Variants in LMTK3 observed in about 807,000 individuals in gnomAD.
LMTK3 encodes the protein lemur tail kinase 3, also known as serine/threonine-protein kinase LMTK3.
In LMTK3, 27 loss-of-function variants were observed where a neutral mutation model predicts 116.7. The observed-to-expected ratio is 0.23, with a 90% confidence interval of 0.17 to 0.32. LMTK3 has a LOEUF of 0.32. Among genes scored for constraint, LMTK3 ranks in the 10% least tolerant of loss-of-function variants. LMTK3 has a pLI of 1.00. For missense variants in LMTK3, 1,764 were observed against 2,068.5 expected (o/e 0.85, Z 2.86); for synonymous variants, 965 against 971.0 (o/e 0.99, Z 0.11).
chr19:48,500,871 C>T lies in LMTK3; in HGVS notation c.1151+125G>A. On this transcript the variant is annotated intron_variant, in intron 10 of 14. Transcript: ENST00000600059. The surrounding 1 kb of genome is among the most constrained non-coding windows in gnomAD (Gnocchi z 4.0). ...CTGGCAGAAAGGGTGGGGACAGCCC[C>T]TCTTCACTCTTGAGGGGTATGGAGG... 2 of 944,222 alleles carry T rather than the reference C, an allele frequency of 2.1e-6. No individual in the cohort carries two copies. The highest frequency in any genetic ancestry group is 3.7e-5 in the South Asian group (2 of 54,616). 58.5% of individuals were successfully genotyped at this position (944,222 alleles called of 1,614,324 possible).
In LMTK3 at chr19:48,485,627, G is replaced by C; in HGVS notation, c.*146C>G. 1.1e-6 allele frequency: 1 copy of C among 881,262 alleles called. No homozygotes were observed. The highest frequency in any genetic ancestry group is 1.8e-6 in the Non-Finnish European group (1 of 560,422). 54.6% of individuals were successfully genotyped at this position (881,262 alleles called of 1,614,324 possible). A position where few individuals can be genotyped will look rare whatever the true frequency, so the allele number is the denominator to read the frequency against. On this transcript the variant is annotated 3_prime_UTR_variant, in exon 15 of 15. Coordinates refer to ENST00000600059, the MANE Select transcript of LMTK3 (RefSeq NM_001388485.1). ...GCCCGGGGCCTCCCGTTTGGCACAT[G>C]GTAGGGGAGTGGGAGGGGGAGGGCC...
At position 48,498,778 on chromosome 19, in the gene LMTK3, G is replaced by A; in HGVS notation, c.2291C>T (p.Ala764Val). The A allele has an allele frequency of 1.4e-6, 2 of 1,396,160 alleles. No individual in the cohort carries two copies. Among genetic ancestry groups the A allele is most frequent in the East Asian group, 2.9e-5 (1 of 34,370 alleles). 86.5% of individuals were successfully genotyped at this position (1,396,160 alleles called of 1,614,324 possible). ...PPPPPPPRAPADPAASPDPPS... is the reference protein window; with the variant it reads ...PPPPPPPRAPVDPAASPDPPS... The stretch of plus-strand genomic sequence containing the variant: ...GGGGTCGGGGGACGCGGCCGGGTCC[G>A]CGGGGGCCCGAGGAGGTGGCGGCGG... The change falls in exon 11 of 15, where the codon GCG becomes GTG. Residue 764 changes from alanine (A) to valine (V), a missense_variant. Ala to Val is a moderately conservative substitution (Grantham distance 64). Around this residue, in one of 7 missense-constraint regions of LMTK3, gnomAD observed 1,028 missense variants for 1,050.6 expected, o/e 0.98. Transcript: ENST00000600059.
chr19:48,510,695 G>A, intron 1 of LMTK3, 103 bp from the exon 2 acceptor site: 3 of 1,314,736 alleles, frequency 2.3e-6, no homozygotes, highest in Non-Finnish European at 3.0e-6. Flanking sequence ...CTCCCGTGAT[G>A]CTCTGCGACC....
intron 6 of LMTK3, 52 bp downstream of exon 6, chr19:48,502,857 G>C: frequency 1.5e-6 from 2 of 1,362,730 alleles, no homozygotes; most frequent in Non-Finnish European, 2.1e-6. Flanking sequence ...GCTTGGCCCC[G>C]GCCTTGTCCA....
intron 4 of LMTK3, 136 bp downstream of exon 4, chr19:48,509,301 G>A (rs1030231888): frequency 9.3e-6 from 7 of 751,500 alleles, no homozygotes; most frequent in Non-Finnish European, 1.6e-5. Context: ...GTGGACGGAG[G>A]GGGGATGGGA....
chr19:48,498,690 G>A lies in LMTK3; in HGVS notation c.2379C>T (p.Ser793=), dbSNP rs752875653. 3.9e-6 allele frequency: 6 copies of A among 1,535,338 alleles called. No homozygotes were observed. In the South Asian group the frequency reaches 4.8e-5, roughly 12 times the overall value. The change falls in exon 11 of 15, where the codon AGC becomes AGT. Residue 793 remains serine, a synonymous_variant. Transcript: ENST00000600059. ...AAAAAGGGGTCTCGGTCTCGTAGCC[G>A]CTGTCCCCCGGCTTGGGGCCCGGCG... ...LSSPGPKPGD[S]GYETETPFSP...
At chr19:48,493,390 C>CCCCG (rs959872299) in intron 12 of LMTK3, among the ~76,000 whole-genome samples, 1 of 133,402 alleles carries the variant, frequency 7.5e-6, no homozygotes, top group African/African-American at 3.4e-5. Flanking sequence ...CCGCCCCAGG[C>CCCCG]CCCGCCCCAC....
chr19:48,501,646 C>T, intron 7 of LMTK3, 84 bp from the exon 8 acceptor site: 1 of 1,328,710 alleles, frequency 7.5e-7, no homozygotes, highest in African/African-American at 1.4e-5. Context: ...GACTCCACCC[C>T]TCCCATGACC....
chr19:48,500,709 G>A lies in LMTK3; in HGVS notation c.1151+287C>T, dbSNP rs1287700594. On this transcript the variant is annotated intron_variant, in intron 10 of 14. Transcript: ENST00000600059. This position sits in a 1 kb window ranked among gnomAD's most constrained non-coding sequence, Gnocchi z 4.0. Reference sequence around the variant, plus strand: ...ACACAGCAGCAGATGGGAACGGCTGGTGAGGGTAGTGGTGTCCCTGTTTGC... The same window carrying A: ...ACACAGCAGCAGATGGGAACGGCTGATGAGGGTAGTGGTGTCCCTGTTTGC... 6.6e-6 allele frequency among the ~76,000 whole-genome samples: 1 copy of A among 152,222 alleles called. No individual in the cohort carries two copies. The highest frequency in any genetic ancestry group is 1.5e-5 in the Non-Finnish European group (1 of 68,038).
chr19:48,498,553 G>A lies in LMTK3; in HGVS notation c.2516C>T (p.Pro839Leu), dbSNP rs1338654508. 2.6e-6 allele frequency: 4 copies of A among 1,561,466 alleles called. No individual in the cohort carries two copies. Among genetic ancestry groups the A allele is most frequent in the Admixed American group, 1.9e-5 (1 of 53,058 alleles). Reference sequence around the variant, plus strand: ...GGGCCCCGGGAGTGGGAGCGGACCCGGGTCTGGAGGTGGCCGGGGCGCTCC... The same window carrying A: ...GGGCCCCGGGAGTGGGAGCGGACCCAGGTCTGGAGGTGGCCGGGGCGCTCC... ...DPGAPRPPPD[P>L]GPLPLPGPRE... is the part of the protein sequence containing the mutation. Residue 839 changes from proline (P) to leucine (L), a missense_variant, in exon 11 of 15, where the codon CCG (proline) becomes CTG (leucine). Around this residue, in one of 7 missense-constraint regions of LMTK3, gnomAD observed 1,028 missense variants for 1,050.6 expected, o/e 0.98. Transcript: ENST00000600059.
chr19:48,505,129 T>TTTTA (rs1491145236), intron 5 of LMTK3, among the ~76,000 whole-genome samples: 19 of 137,128 alleles, frequency 1.4e-4, no homozygotes, highest in Non-Finnish European at 2.5e-4. Flanking sequence ...TTTTTTTTTT[T>TTTTA]ATGAGACAGA....
intron 9 of LMTK3, 24 bp from the exon 10 acceptor site, chr19:48,501,169 G>C (rs1215701452): frequency 6.2e-7 from 1 of 1,609,128 alleles, no homozygotes; most frequent in Non-Finnish European, 8.5e-7. Context: ...AGAGAGGTCA[G>C]AGCCCAGCCC....
At chr19:48,501,262 C>T (rs777149406) in intron 9 of LMTK3, 21 bp downstream of exon 9, 3 of 1,611,804 alleles carry the variant, frequency 1.9e-6, no homozygotes, top group Non-Finnish European at 2.5e-6. Flanking sequence ...TGCCTCGGCC[C>T]CCGCGGCCCG....
In LMTK3 at chr19:48,500,847, TG is replaced by T. The variant is rs1376137309; in HGVS notation, c.1151+148del. On this transcript the variant is annotated intron_variant, in intron 10 of 14. Transcript: ENST00000600059. This position sits in a 1 kb window ranked among gnomAD's most constrained non-coding sequence, Gnocchi z 4.0. ...GTGTCCCCCTGCAAGTAGCAGATGC[TG>T]GCAGAAAGGGTGGGGACAGCCCCTC... The T allele has an allele frequency of 6.2e-5, 48 of 769,194 alleles. No homozygotes were observed. Among genetic ancestry groups the T allele is most frequent in the Non-Finnish European group, 6.7e-5 (34 of 507,772 alleles). The allele number at this position is 769,194 out of a possible 1,614,324, so 47.6% of individuals were successfully genotyped here.
At chr19:48,505,129 T>TTTTTA (rs1491145236) in intron 5 of LMTK3, among the ~76,000 whole-genome samples, 1 of 137,032 alleles carries the variant, frequency 7.3e-6, no homozygotes, top group Non-Finnish European at 1.6e-5. Context: ...TTTTTTTTTT[T>TTTTTA]ATGAGACAGA....
At chr19:48,488,131 C>G (rs145659781) in intron 14 of LMTK3, among the ~76,000 whole-genome samples, 50 of 152,294 alleles carry the variant, frequency 3.3e-4, no homozygotes, top group South Asian at 2.9e-3. Flanking sequence ...GCCATTCTCG[C>G]TTGCCAGCCC....
At chr19:48,503,922 C>G (rs902005229) in intron 5 of LMTK3, among the ~76,000 whole-genome samples, 1 of 151,406 alleles carries the variant, frequency 6.6e-6, no homozygotes, top group Non-Finnish European at 1.5e-5. Flanking sequence ...GGCTGGAGTG[C>G]AATGGAGTGA....
At chr19:48,508,788 C>A in intron 5 of LMTK3, 63 bp downstream of exon 5, 1 of 1,235,178 alleles carries the variant, frequency 8.1e-7, no homozygotes, top group South Asian at 1.2e-5. Flanking sequence ...CCCCATACAG[C>A]ACTCCTTCCA....
chr19:48,509,664 T>G (rs567378234), intron 3 of LMTK3, among the ~76,000 whole-genome samples, 151 bp from the exon 4 acceptor site: 2 of 152,308 alleles, frequency 1.3e-5, no homozygotes, highest in African/African-American at 4.8e-5. Context: ...CTCAGCTTCC[T>G]CATTGGCTGC....
Sources: allele counts gnomAD v4.1 joint callset (sites outside exome capture counted in the v4.1 genomes callset), GRCh38; gene constraint gnomAD v4.1.1; regional missense constraint gnomAD v4.1.1; non-coding constraint Gnocchi (gnomAD v3.1); transcripts MANE v1.5; gene names NCBI Gene and HGNC (gene_info 2026-07-23, HGNC 2026-07-21).